Variants in SCP2 observed in about 807,000 individuals in gnomAD.
SCP2 encodes SCP-2/3-oxoacyl-CoA thiolase.
In SCP2, 48 loss-of-function variants were observed where a neutral mutation model predicts 71.4. The ratio of observed to expected loss-of-function variants is 0.67; its 90% CI spans 0.53 to 0.86. The LOEUF is 0.86. Ranked by LOEUF, SCP2 falls within the 40% of genes least tolerant of loss-of-function variation. The pLI, the probability that SCP2 is intolerant of heterozygous loss-of-function variation, is 0.00. For synonymous variants in SCP2, 220 were observed against 218.1 expected (o/e 1.01, Z -0.08); for missense variants, 560 against 655.6 (o/e 0.85, Z 1.59).
intron 12 of SCP2, 133 bp from the exon 13 acceptor site, chr1:53,027,836 A>C: frequency 1.6e-6 from 1 of 630,666 alleles, no homozygotes; most frequent in South Asian, 1.7e-5. Context: ...CTTACTAAAG[A>C]TTTCCTTTGG....
At chr1:52,975,997 T>TA (rs1023534440) in intron 7 of SCP2, among the ~76,000 whole-genome samples, 4 of 152,156 alleles carry the variant, frequency 2.6e-5, no homozygotes, top group African/African-American at 9.7e-5. Context: ...TAGAACAACT[T>TA]ACAGAACTCA....
chr1:52,929,495 G>T (rs1170720365), intron 1 of SCP2, among the ~76,000 whole-genome samples: 1 of 151,848 alleles, frequency 6.6e-6, no homozygotes, highest in East Asian at 1.9e-4. Context: ...CCCCAGTCTG[G>T]AGTGCAGTGG....
Position 53,050,921 on chromosome 1 carries a change from A to C in SCP2, c.*217A>C. ...TTTGCGGAATTGCATACAACTGTGC[A>C]TTACAAAGTTAATATGGTAATTATG... On this transcript the variant is annotated 3_prime_UTR_variant, in exon 16 of 16. Transcript: ENST00000371514. The C allele has an allele frequency of 4.6e-6, 2 of 437,406 alleles. No homozygotes were observed. The highest frequency in any genetic ancestry group is 8.3e-6 in the Non-Finnish European group (2 of 242,170). The allele number at this position is 437,406 out of a possible 1,614,324, so 27.1% of individuals were successfully genotyped here. A position where few individuals can be genotyped will look rare whatever the true frequency, so the allele number is the denominator to read the frequency against.
At chr1:52,983,600 C>T (rs1448960163) in intron 10 of SCP2, among the ~76,000 whole-genome samples, 1 of 152,138 alleles carries the variant, frequency 6.6e-6, no homozygotes, top group African/African-American at 2.4e-5. Flanking sequence ...TACTCATGAA[C>T]CATTCTAATG....
chr1:52,974,255 G>A (rs756057491), intron 6 of SCP2, among the ~76,000 whole-genome samples: 1 of 151,724 alleles, frequency 6.6e-6, no homozygotes, highest in Non-Finnish European at 1.5e-5. Context: ...TTCCTGACAC[G>A]ATTATTTAAA....
At position 53,039,437 on chromosome 1, in the gene SCP2, C is replaced by T. The variant is rs371521778; in HGVS notation, c.1468+391C>T. On this transcript the variant is annotated intron_variant, in intron 14 of 15. Coordinates refer to ENST00000371514, the MANE Select transcript of SCP2 (RefSeq NM_002979.5). ...CTTTCTTAATTAACCGTAAGGCACA[C>T]GGTCCAGTGCATGGCTGGTGGCCTT... Among the ~76,000 whole-genome samples, 77 of 152,198 alleles carry T rather than the reference C, an allele frequency of 5.1e-4. 1 individual carries two copies. The highest frequency in any genetic ancestry group is 2.7e-3 in the Admixed American group (42 of 15,280).
chr1:53,024,893 G>A (rs888555852), intron 12 of SCP2, among the ~76,000 whole-genome samples: 4 of 151,830 alleles, frequency 2.6e-5, no homozygotes, highest in Non-Finnish European at 5.9e-5. Flanking sequence ...ATTTCTTTAA[G>A]AGATTAGTGA....
In SCP2 at chr1:52,941,777, T is replaced by A. The variant is rs1255225153; in HGVS notation, c.70-19T>A. On this transcript the variant is annotated intron_variant, in intron 1 of 15. Coordinates refer to ENST00000371514, the MANE Select transcript of SCP2 (RefSeq NM_002979.5). ...TAACTATACTTGTTTGTATTTATTA[T>A]CTCTTTCTATATCTCTAGTTTGTGA... 1.3e-6 allele frequency: 2 copies of A among 1,534,982 alleles called. No individual in the cohort carries two copies. The highest frequency in any genetic ancestry group is 1.8e-6 in the Non-Finnish European group (2 of 1,108,546).
intron 5 of SCP2, among the ~76,000 whole-genome samples, chr1:52,957,172 T>TCCTCG (rs1362823228): frequency 9.5e-4 from 145 of 152,320 alleles, no homozygotes; most frequent in Non-Finnish European, 1.6e-3. Context: ...CCTCCCAAAG[T>TCCTCG]GCTGGGATTA....
intron 11 of SCP2, among the ~76,000 whole-genome samples, chr1:53,002,651 C>A (rs1660392000): frequency 1.3e-5 from 2 of 152,202 alleles, no homozygotes; most frequent in Non-Finnish European, 2.9e-5. Context: ...ATGCTCTGAT[C>A]TCCTGTGCGA....
chr1:53,013,992 T>C (rs1572186585), intron 11 of SCP2, among the ~76,000 whole-genome samples: 3 of 141,862 alleles, frequency 2.1e-5, no homozygotes, highest in African/African-American at 7.6e-5. Flanking sequence ...GCCTCCCGGG[T>C]TCACGCCATT....
chr1:53,036,197 A>C (rs994557199), intron 13 of SCP2, among the ~76,000 whole-genome samples: 7 of 150,724 alleles, frequency 4.6e-5, no homozygotes, highest in African/African-American at 1.7e-4. Context: ...TAGGATAATT[A>C]TATTAAACAA....
chr1:53,001,478 A>G (rs901269578), intron 11 of SCP2, among the ~76,000 whole-genome samples: 1 of 152,332 alleles, frequency 6.6e-6, no homozygotes, highest in South Asian at 2.1e-4. Flanking sequence ...TATTTTCTCA[A>G]TAATAATACA....
intron 12 of SCP2, among the ~76,000 whole-genome samples, chr1:53,018,602 G>A (rs1481968439): frequency 2.6e-5 from 4 of 152,098 alleles, no homozygotes; most frequent in Admixed American, 2.0e-4. Context: ...TTAGCCAGGC[G>A]TGGTAGCACA....
chr1:52,957,375 G>C (rs1655921183), intron 5 of SCP2, among the ~76,000 whole-genome samples: 1 of 152,116 alleles, frequency 6.6e-6, no homozygotes, highest in African/African-American at 2.4e-5. Flanking sequence ...AAAAACCTTT[G>C]TAAATTTACT....
At chr1:53,031,805 A>C (rs916797384) in intron 13 of SCP2, among the ~76,000 whole-genome samples, 3 of 152,262 alleles carry the variant, frequency 2.0e-5, no homozygotes, top group Admixed American at 2.0e-4. Flanking sequence ...CAGCAAGTGC[A>C]GATTATTCTC....
At chr1:52,968,830 G>A (rs1657203695) in intron 6 of SCP2, among the ~76,000 whole-genome samples, 1 of 152,052 alleles carries the variant, frequency 6.6e-6, no homozygotes, top group Admixed American at 6.6e-5. Flanking sequence ...TTAACTAATA[G>A]CCTGCTCTTG....
intron 11 of SCP2, among the ~76,000 whole-genome samples, chr1:53,011,854 C>G (rs74556932): frequency 0.084 from 12,771 of 152,214 alleles, 719 homozygotes; most frequent in Non-Finnish European, 0.12. Context: ...GGAAAAACAG[C>G]TTGCTTTTTC....
At chr1:53,001,396 T>A (rs1036000716) in intron 11 of SCP2, among the ~76,000 whole-genome samples, 1 of 152,286 alleles carries the variant, frequency 6.6e-6, no homozygotes, top group East Asian at 1.9e-4. Context: ...AGAGGAAGCA[T>A]GTTTAAACCA....
Sources: gnomAD v4.1 joint callset for allele counts (sites outside exome capture counted in the v4.1 genomes callset) on GRCh38, gnomAD v4.1.1 for gene constraint, MANE v1.5 for transcripts, NCBI Gene and HGNC (gene_info 2026-07-23, HGNC 2026-07-21) for gene names.